Variants in ARHGAP21 observed in about 807,000 individuals in gnomAD.
The protein encoded by ARHGAP21 is Rho GTPase activating protein 21.
In ARHGAP21, 38 loss-of-function variants were observed where a neutral mutation model predicts 164.6. The observed-to-expected ratio is 0.23, with a 90% CI of 0.18 to 0.30. The LOEUF (loss-of-function observed/expected upper bound fraction) is 0.30, where lower values mean the gene tolerates loss of function less well. Among genes scored for constraint, ARHGAP21 ranks in the 10% least tolerant of loss-of-function variants. The pLI is 1.00. For missense variants in ARHGAP21, 1,822 were observed against 2,370.7 expected (o/e 0.77, Z 4.81); for synonymous variants, 766 against 857.9 (o/e 0.89, Z 1.87).
At position 24,607,836 on chromosome 10, in the gene ARHGAP21, G is replaced by A; in HGVS notation, c.2490C>T (p.Ala830=). The A allele has an allele frequency of 6.2e-7, 1 of 1,614,104 alleles. No individual in the cohort carries two copies. Among genetic ancestry groups the A allele is most frequent in the Non-Finnish European group, 8.5e-7 (1 of 1,179,984 alleles). The change falls in exon 10 of 26, where the codon GCC becomes GCT. Residue 830 remains alanine (A), a synonymous_variant. Transcript: ENST00000396432. ...AHIPASAVIS[A]STSQVPSIAT... is the part of the protein sequence containing the mutation. ...CTATGGAGGGGACCTGAGAGGTAGA[G>A]GCTGATATAACAGCAGAGGCAGGGA...
chr10:24,706,436 A>T (rs1257534350), intron 2 of ARHGAP21: 1 of 152,564 alleles, frequency 6.6e-6, no homozygotes, highest in Non-Finnish European at 1.5e-5. Flanking sequence ...TTATATCCTG[A>T]TTTACTTTTG....
intron 2 of ARHGAP21, among the ~76,000 whole-genome samples, chr10:24,700,768 CAAAT>C (rs1436413346): frequency 6.6e-6 from 1 of 152,134 alleles, no homozygotes; most frequent in Non-Finnish European, 1.5e-5. Context: ...TAAAGAAAAA[CAAAT>C]TAAGTACCTC....
intron 2 of ARHGAP21, among the ~76,000 whole-genome samples, chr10:24,689,150 CTAAT>C (rs1374053155): frequency 6.6e-6 from 1 of 152,144 alleles, no homozygotes; most frequent in Non-Finnish European, 1.5e-5. Flanking sequence ...GGCCTCATAG[CTAAT>C]TAGTGACACA....
chr10:24,603,729 G>A (rs1292784940), intron 12 of ARHGAP21, among the ~76,000 whole-genome samples: 1 of 152,160 alleles, frequency 6.6e-6, no homozygotes, highest in East Asian at 1.9e-4. Flanking sequence ...TGGGGATGGT[G>A]GCTCACACCT....
intron 7 of ARHGAP21, among the ~76,000 whole-genome samples, chr10:24,627,093 T>C (rs1385139731): frequency 6.6e-6 from 1 of 152,170 alleles, no homozygotes; most frequent in African/African-American, 2.4e-5. Flanking sequence ...CTCTCAAAGG[T>C]GAGCAGAGCA....
At chr10:24,600,164 T>G (rs1198997523) in intron 14 of ARHGAP21, among the ~76,000 whole-genome samples, 2 of 151,072 alleles carry the variant, frequency 1.3e-5, no homozygotes, top group Non-Finnish European at 2.9e-5. Context: ...GACTTATGAT[T>G]TTTGAAAATG....
At chr10:24,635,879 T>G (rs1411011316) in intron 4 of ARHGAP21, among the ~76,000 whole-genome samples, 1 of 152,182 alleles carries the variant, frequency 6.6e-6, no homozygotes. Flanking sequence ...GTGCTAAGCA[T>G]TAAAATGTAA....
At chr10:24,645,771 A>G (rs1002572479) in intron 4 of ARHGAP21, among the ~76,000 whole-genome samples, 1 of 152,218 alleles carries the variant, frequency 6.6e-6, no homozygotes, top group South Asian at 2.1e-4. Context: ...TAAGAGATAA[A>G]GAAAATAAAG....
At chr10:24,696,419 G>A (rs1217514527) in intron 2 of ARHGAP21, among the ~76,000 whole-genome samples, 1 of 152,166 alleles carries the variant, frequency 6.6e-6, no homozygotes, top group Non-Finnish European at 1.5e-5. Context: ...AACTCACACA[G>A]GACGAAGAAG....
Position 24,596,839 on chromosome 10 carries a change from G to A in ARHGAP21, c.3378C>T (p.Gly1126=), listed in dbSNP as rs574980589. The change falls in exon 17 of 26, where the codon GGC becomes GGT. Residue 1126 remains glycine (G), a synonymous_variant. Transcript: ENST00000396432. ...ATGTCTTTCTCATGATACTTGGAAT[G>A]CCTTTTCTCCATGTGCCTTTGTCTT... ...PPKDKGTWRK[G]IPSIMRKTFE... is the part of the protein sequence containing the mutation. The A allele has an allele frequency of 1.6e-5, 25 of 1,610,798 alleles. No homozygotes were observed. In the African/African-American group the frequency reaches 2.3e-4, roughly 15 times the overall value.
At chr10:24,678,980 G>T (rs75991875) in intron 2 of ARHGAP21, among the ~76,000 whole-genome samples, 160 of 152,254 alleles carry the variant, frequency 1.1e-3, no homozygotes, top group African/African-American at 3.1e-3. Flanking sequence ...CCATGGAATG[G>T]ATGTACCACA....
rs3073324 is a variant in ARHGAP21, at chr10:24,633,883, C to CTTTTTTT, written c.362-410_362-404dup. Among the ~76,000 whole-genome samples the CTTTTTTT allele has an allele frequency of 7.9e-4, 60 of 75,498 alleles. 2 individuals carry two copies. Among genetic ancestry groups the CTTTTTTT allele is most frequent in the Non-Finnish European group, 1.2e-3 (48 of 40,876 alleles). The allele number at this position is 75,498 out of a possible 152,430, so 49.5% of individuals were successfully genotyped here. A position where few individuals can be genotyped will look rare whatever the true frequency, so the allele number is the denominator to read the frequency against. The stretch of plus-strand genomic sequence containing the variant: ...CTCCACGTACCCTGTCTTTTTTTCT[C>CTTTTTTT]TTTTTTTTTTTTTTTTTTTTTTTTT... On this transcript the variant is annotated intron_variant, in intron 5 of 25. Coordinates refer to ENST00000396432, the MANE Select transcript of ARHGAP21 (RefSeq NM_020824.4).
intron 4 of ARHGAP21, among the ~76,000 whole-genome samples, chr10:24,650,966 A>C (rs1838102539): frequency 6.9e-6 from 1 of 145,060 alleles, no homozygotes; most frequent in Non-Finnish European, 1.5e-5. Context: ...CTGAGGAGAC[A>C]AAAAAAAAAA....
At chr10:24,659,943 C>T (rs1839502566) in intron 4 of ARHGAP21, among the ~76,000 whole-genome samples, 1 of 152,178 alleles carries the variant, frequency 6.6e-6, no homozygotes, top group East Asian at 1.9e-4. Flanking sequence ...GATAATAACA[C>T]CCACCTTAGA....
intron 4 of ARHGAP21, among the ~76,000 whole-genome samples, chr10:24,658,691 G>C (rs535272447): frequency 1.3e-5 from 2 of 152,212 alleles, no homozygotes; most frequent in South Asian, 2.1e-4. Context: ...GGTGGGGGGA[G>C]AGAGGAGGCA....
intron 2 of ARHGAP21, among the ~76,000 whole-genome samples, chr10:24,721,241 G>A (rs1845895528): frequency 6.6e-6 from 1 of 152,166 alleles, no homozygotes; most frequent in South Asian, 2.1e-4. Flanking sequence ...AGTAAAGGCA[G>A]GAGATTTTTC....
chr10:24,585,387 T>A lies in ARHGAP21; in HGVS notation c.4902A>T (p.Glu1634Asp). 6.2e-7 allele frequency: 1 copy of A among 1,613,990 alleles called. No homozygotes were observed. Among genetic ancestry groups the A allele is most frequent in the Non-Finnish European group, 8.5e-7 (1 of 1,180,036 alleles). The change falls in exon 26 of 26, where the codon GAA (glutamate) becomes GAT (aspartate). Residue 1634 changes from glutamate (E) to aspartate (D), a missense_variant. By Grantham distance (45) the Glu-to-Asp change is conservative. Transcript: ENST00000396432. ...SELISEGRPV[E>D]TDSESEFPVF... ...CGGGAAACTCGCTCTCGCTGTCGGT[T>A]TCCACAGGCCGCCCTTCACTGATGA...
chr10:24,700,408 A>G (rs1256947364), intron 2 of ARHGAP21, among the ~76,000 whole-genome samples: 2 of 152,200 alleles, frequency 1.3e-5, no homozygotes, highest in Non-Finnish European at 2.9e-5. Context: ...GCCAGGAAAA[A>G]AGCCAATTTA....
rs34010661 is a variant in ARHGAP21 at position 24,695,566 on chromosome 10, CA to C, written c.64-25170del. Among the ~76,000 whole-genome samples the C allele has an allele frequency of 5.3e-3, 672 of 127,738 alleles. 1 individual carries two copies. Among genetic ancestry groups the C allele is most frequent in the African/African-American group, 7.3e-3 (241 of 33,136 alleles). 83.8% of individuals were successfully genotyped at this position (127,738 alleles called of 152,430 possible). ...CCTGGGTGATGGAGTGAGACTGCGT[CA>C]AAAAAAAAAAAAAAGAATAGAATTT... On this transcript the variant is annotated intron_variant, in intron 2 of 25. Coordinates refer to ENST00000396432, the MANE Select transcript of ARHGAP21 (RefSeq NM_020824.4).
Sources: gnomAD v4.1 joint callset for allele counts (sites outside exome capture counted in the v4.1 genomes callset) on GRCh38, gnomAD v4.1.1 for gene constraint, MANE v1.5 for transcripts, NCBI Gene and HGNC (gene_info 2026-07-23, HGNC 2026-07-21) for gene names.